OR13A1: variants seen among roughly 807,000 people sequenced by gnomAD.
OR13A1 encodes olfactory receptor family 13 subfamily A member 1.
A neutral mutation model predicts 7.5 loss-of-function variants in OR13A1; 10 were observed. That is an observed-to-expected ratio of 1.34 (90% CI 0.83 to 2.27). OR13A1 has a LOEUF of 2.27. OR13A1 is among the 30% of genes most tolerant of loss of function. The pLI, the probability that OR13A1 is intolerant of heterozygous loss-of-function variation, is 0.00. For missense variants in OR13A1, 509 were observed against 419.1 expected (o/e 1.21, Z -1.87); for synonymous variants, 238 against 177.9 (o/e 1.34, Z -2.69).
At chr10:45,308,327 C>T (rs1329529119) in intron 1 of OR13A1, among the ~76,000 whole-genome samples, 1 of 152,166 alleles carries the variant, frequency 6.6e-6, no homozygotes, top group Non-Finnish European at 1.5e-5. Context: ...CAGCTAGTAT[C>T]TAGGCTCAAG....
intron 1 of OR13A1, chr10:45,308,979 C>G (rs985712358): frequency 6.6e-6 from 1 of 152,206 alleles, no homozygotes; most frequent in Non-Finnish European, 1.5e-5. Flanking sequence ...AACTATTACT[C>G]TAAGTGGACC....
rs572841152 is a variant in OR13A1, at chr10:45,303,794, G to T, written c.629C>A (p.Thr210Asn). ...GACAATCATGACACCGTTGACGTAG[G>T]TGGAGCTGCAGGAGAGAAGCAGCAG... is the stretch of plus-strand genomic sequence containing the variant. ...PPLLLLSCSS[T>N]YVNGVMIVLA... is the part of the protein sequence containing the mutation. The change falls in exon 4 of 4, where the codon ACC becomes AAC. Residue 210 changes from threonine (T) to asparagine (N), a missense_variant. Coordinates refer to ENST00000553795, the MANE Select transcript of OR13A1 (RefSeq NM_001004297.3). 1.9e-6 allele frequency: 3 copies of T among 1,613,884 alleles called. No individual in the cohort carries two copies. In the East Asian group the frequency reaches 6.7e-5, roughly 36 times the overall value.
intron 1 of OR13A1, among the ~76,000 whole-genome samples, chr10:45,312,781 GAAAGAAAAGA>G (rs1564536556): frequency 1.3e-5 from 2 of 152,020 alleles, no homozygotes; most frequent in South Asian, 4.1e-4. Flanking sequence ...TCAAAGAGCT[GAAAGAAAAGA>G]AAATTTCAAC....
chr10:45,306,909 G>A (rs1588942810), intron 3 of OR13A1, among the ~76,000 whole-genome samples: 3 of 152,262 alleles, frequency 2.0e-5, no homozygotes, highest in Middle Eastern at 3.4e-3. Flanking sequence ...AATTACTTTC[G>A]CTGAGTTTGA....
At chr10:45,313,129 C>G (rs916040862) in intron 1 of OR13A1, among the ~76,000 whole-genome samples, 1 of 151,998 alleles carries the variant, frequency 6.6e-6, no homozygotes, top group African/African-American at 2.4e-5. Context: ...GAAGATGTAA[C>G]TTGTGACATA....
chr10:45,303,323 A>G lies in OR13A1; in HGVS notation c.*113T>C. ...CAGCACTCCCAGCTCATCCATGCAC[A>G]GGTTCTGCTGGGTTAGAAAAAACAA... On this transcript the variant is annotated 3_prime_UTR_variant, in exon 4 of 4. Coordinates refer to ENST00000553795, the MANE Select transcript of OR13A1 (RefSeq NM_001004297.3). 1 of 1,135,246 alleles carries G rather than the reference A, an allele frequency of 8.8e-7. No individual in the cohort carries two copies. Among genetic ancestry groups the G allele is most frequent in the Non-Finnish European group, 1.3e-6 (1 of 793,230 alleles). 70.3% of individuals were successfully genotyped at this position (1,135,246 alleles called of 1,614,324 possible).
At position 45,303,237 on chromosome 10, in the gene OR13A1, T is replaced by G. The variant is rs1236871465; in HGVS notation, c.*199A>C. On this transcript the variant is annotated 3_prime_UTR_variant, in exon 4 of 4. Transcript: ENST00000553795. ...CTTGGAGTCAGACCAAGAGATCTGG[T>G]GTCTCAGAGGCTGGTGGGTCACACC... The G allele has an allele frequency of 1.7e-6, 1 of 581,158 alleles. No homozygotes were observed. Among genetic ancestry groups the G allele is most frequent in the Non-Finnish European group, 3.0e-6 (1 of 332,264 alleles). 36.0% of individuals were successfully genotyped at this position (581,158 alleles called of 1,614,324 possible). A position where few individuals can be genotyped will look rare whatever the true frequency, so the allele number is the denominator to read the frequency against.
Position 45,304,295 on chromosome 10 carries a change from A to G in OR13A1, c.128T>C (p.Val43Ala). 1.2e-6 allele frequency: 2 copies of G among 1,613,984 alleles called. No individual in the cohort carries two copies. The highest frequency in any genetic ancestry group is 8.5e-7 in the Non-Finnish European group (1 of 1,179,980). Residue 43 changes from valine (V) to alanine (A), a missense_variant, in exon 4 of 4, where the codon GTG becomes GCG. Transcript: ENST00000553795. The part of the protein sequence containing the change: ...QGFSEHPEYR[V>A]FLFSCFLFLY... ...GAAGAGGAAACAGCTGAATAAGAAC[A>G]CCCGGTATTCTGGGTGCTCCGAAAA...
chr10:45,306,947 C>T (rs1378063392), intron 3 of OR13A1, among the ~76,000 whole-genome samples: 1 of 152,180 alleles, frequency 6.6e-6, no homozygotes, highest in Admixed American at 6.5e-5. Flanking sequence ...ATAACTGTAA[C>T]TTTATTTGCT....
Position 45,304,358 on chromosome 10 carries a change from C to T in OR13A1, c.65G>A (p.Ser22Asn), listed in dbSNP as rs1333457696. ...GAACTCGGTTACCAACGTCTGGTTA[C>T]TCATCATCCTTGGGCTGGGACGGGT... is the stretch of plus-strand genomic sequence containing the variant. Reference protein sequence around the residue: ...PETRPSPRMMSNQTLVTEFIL... With the variant: ...PETRPSPRMMNNQTLVTEFIL... The change falls in exon 4 of 4, where the codon AGT (serine) becomes AAT (asparagine). Residue 22 changes from serine (S) to asparagine (N), a missense_variant. Ser to Asn is a conservative substitution (Grantham distance 46). Transcript: ENST00000553795. 8 of 1,613,984 alleles carry T rather than the reference C, an allele frequency of 5.0e-6. No homozygotes were observed. The highest frequency in any genetic ancestry group is 6.8e-6 in the Non-Finnish European group (8 of 1,180,000).
At chr10:45,310,308 T>C (rs1163117890) in intron 1 of OR13A1, among the ~76,000 whole-genome samples, 2 of 152,238 alleles carry the variant, frequency 1.3e-5, no homozygotes, top group African/African-American at 4.8e-5. Context: ...GCTTCCAGAC[T>C]GATGGGGCAG....
At chr10:45,310,641 T>G (rs1324266645) in intron 1 of OR13A1, among the ~76,000 whole-genome samples, 2 of 148,196 alleles carry the variant, frequency 1.3e-5, no homozygotes, top group Non-Finnish European at 3.0e-5. Flanking sequence ...GGAAAAAAAC[T>G]AATAATTGCC....
rs369298405 is a variant in OR13A1 at position 45,304,126 on chromosome 10, C to A, written c.297G>T (p.Ala99=). The A allele has an allele frequency of 2.5e-6, 4 of 1,614,030 alleles. No individual in the cohort carries two copies. Among genetic ancestry groups the A allele is most frequent in the South Asian group, 1.1e-5 (1 of 91,070 alleles). The change falls in exon 4 of 4, where the codon GCG becomes GCT. Residue 99 remains alanine, a synonymous_variant. Transcript: ENST00000553795. ...IICTSSIMPK[A]LASLVSEESS... is the part of the protein sequence containing the mutation. Reference sequence around the variant, plus strand: ...TCTCTTCCGACACCAGACTGGCCAGCGCCTTGGGCATGATGGAAGAGGTGC... The same window carrying A: ...TCTCTTCCGACACCAGACTGGCCAGAGCCTTGGGCATGATGGAAGAGGTGC...
chr10:45,310,561 GC>G (rs1221908086), intron 1 of OR13A1, among the ~76,000 whole-genome samples: 4 of 152,202 alleles, frequency 2.6e-5, no homozygotes, highest in Non-Finnish European at 5.9e-5. Context: ...TCACCTAGCT[GC>G]CAGGGAAGCT....
At position 45,304,133 on chromosome 10, in the gene OR13A1, G is replaced by C. The variant is rs1838275608; in HGVS notation, c.290C>G (p.Pro97Arg). The change falls in exon 4 of 4, where the codon CCC becomes CGC. Residue 97 changes from proline to arginine, a missense_variant. By Grantham distance (103) the Pro-to-Arg change is moderately radical (BLOSUM62 -2). Coordinates refer to ENST00000553795, the MANE Select transcript of OR13A1 (RefSeq NM_001004297.3). ...CGACACCAGACTGGCCAGCGCCTTG[G>C]GCATGATGGAAGAGGTGCAGATAAT... ...MDIICTSSIM[P>R]KALASLVSEE... is the part of the protein sequence containing the mutation. The C allele has an allele frequency of 6.2e-7, 1 of 1,614,094 alleles. No individual in the cohort carries two copies. Among genetic ancestry groups the C allele is most frequent in the African/African-American group, 1.3e-5 (1 of 74,940 alleles).
At chr10:45,312,369 A>G (rs907062531) in intron 1 of OR13A1, among the ~76,000 whole-genome samples, 2 of 152,118 alleles carry the variant, frequency 1.3e-5, no homozygotes, top group African/African-American at 4.8e-5. Context: ...CACATTAAGT[A>G]CAAAGACACA....
chr10:45,305,764 T>C (rs1564534024), intron 3 of OR13A1, among the ~76,000 whole-genome samples: 1 of 152,228 alleles, frequency 6.6e-6, no homozygotes, highest in Admixed American at 6.5e-5. Flanking sequence ...GAATGCCCTT[T>C]TTCTCATGAA....
chr10:45,314,025 A>G (rs1045149041), intron 1 of OR13A1, among the ~76,000 whole-genome samples: 1 of 152,218 alleles, frequency 6.6e-6, no homozygotes, highest in Non-Finnish European at 1.5e-5. Context: ...AAAACTTGTA[A>G]CAAATTTTAA....
In OR13A1 at chr10:45,303,643, A is replaced by G; in HGVS notation, c.780T>C (p.Ser260=). 1 of 1,614,202 alleles carries G rather than the reference A, an allele frequency of 6.2e-7. No homozygotes were observed. The highest frequency in any genetic ancestry group is 8.5e-7 in the Non-Finnish European group (1 of 1,180,036). The change falls in exon 4 of 4, where the codon TCT becomes TCC. Residue 260 remains serine (S), a synonymous_variant. Coordinates refer to ENST00000553795, the MANE Select transcript of OR13A1 (RefSeq NM_001004297.3). ...WGRQKAFSTC[S]SHLTVVCMYY... ...ACATGCACACCACGGTGAGGTGGGA[A>G]GAGCAGGTGGAGAAGGCTTTCTGCC...
Sources: gnomAD v4.1 joint callset for allele counts (sites outside exome capture counted in the v4.1 genomes callset) on GRCh38, gnomAD v4.1.1 for gene constraint, MANE v1.5 for transcripts, NCBI Gene and HGNC (gene_info 2026-07-23, HGNC 2026-07-21) for gene names.